KCNK2: variants seen among roughly 807,000 people sequenced by gnomAD.
KCNK2 encodes potassium two pore domain channel subfamily K member 2.
KCNK2 carries 21 observed loss-of-function variants against 40.5 expected under a neutral mutation model. The ratio of observed to expected loss-of-function variants is 0.52; its 90% CI spans 0.37 to 0.75. KCNK2 has a LOEUF of 0.75. Ranked by LOEUF, KCNK2 falls within the 30% of genes least tolerant of loss-of-function variation. The pLI is 0.00. For missense variants in KCNK2, 399 were observed against 531.6 expected, an observed-to-expected ratio of 0.75 and a Z score of 2.45; for synonymous variants, 191 against 202.2, an observed-to-expected ratio of 0.94 and a Z score of 0.47.
At chr1:215,125,777 T>TATATATATA (rs1351841467) in intron 3 of KCNK2, among the ~76,000 whole-genome samples, 1 of 42,428 alleles carries the variant, frequency 2.4e-5, no homozygotes, top group Non-Finnish European at 6.3e-5. Flanking sequence ...TATATATATA[T>TATATATATA]AAAATAAAAT....
intron 2 of KCNK2, among the ~76,000 whole-genome samples, chr1:215,093,774 ATATTAT>A (rs1558087871): frequency 0.042 from 640 of 15,354 alleles, 13 homozygotes; most frequent in Non-Finnish European, 0.093. Context: ...AATATAAAAT[ATATTAT>A]ATATTATATA....
At chr1:215,155,172 C>T (rs1662861411) in intron 3 of KCNK2, among the ~76,000 whole-genome samples, 1 of 152,230 alleles carries the variant, frequency 6.6e-6, no homozygotes, top group East Asian at 1.9e-4. Context: ...CTTTCCCCAT[C>T]ACTATTTAGT....
intron 3 of KCNK2, among the ~76,000 whole-genome samples, chr1:215,139,821 G>A (rs184373731): frequency 1.1e-4 from 17 of 152,096 alleles, no homozygotes; most frequent in Non-Finnish European, 2.2e-4. Context: ...ATATTATGAG[G>A]TGACTTGTTA....
At chr1:215,115,441 G>C (rs781179598) in intron 2 of KCNK2, among the ~76,000 whole-genome samples, 5 of 152,088 alleles carry the variant, frequency 3.3e-5, no homozygotes, top group Non-Finnish European at 5.9e-5. Flanking sequence ...AGAAATTCAG[G>C]CCTTAGAAAA....
intron 3 of KCNK2, among the ~76,000 whole-genome samples, chr1:215,154,231 T>C (rs1662812169): frequency 6.6e-6 from 1 of 152,212 alleles, no homozygotes; most frequent in South Asian, 2.1e-4. Context: ...AGTGTCCCTA[T>C]TTCTCCTTAG....
At chr1:215,100,625 G>C (rs1660166675) in intron 2 of KCNK2, among the ~76,000 whole-genome samples, 1 of 151,924 alleles carries the variant, frequency 6.6e-6, no homozygotes, top group African/African-American at 2.4e-5. Context: ...AACATTGCTG[G>C]TTGCGGTTCT....
intron 5 of KCNK2, among the ~76,000 whole-genome samples, chr1:215,179,980 T>G (rs1664158350): frequency 6.6e-6 from 1 of 152,150 alleles, no homozygotes; most frequent in Non-Finnish European, 1.5e-5. Context: ...ACTCTTATTA[T>G]ATGGCTAGCT....
intron 6 of KCNK2, among the ~76,000 whole-genome samples, chr1:215,209,996 A>G (rs1396867926): frequency 1.5e-3 from 2 of 1,372 alleles, no homozygotes; most frequent in Non-Finnish European, 3.7e-3. Context: ...ATAATATATA[A>G]TATATATTAT....
chr1:215,078,013 T>C (rs957723335), upstream of KCNK2, among the ~76,000 whole-genome samples: 2 of 152,202 alleles, frequency 1.3e-5, no homozygotes, highest in Non-Finnish European at 2.9e-5. Flanking sequence ...GCAAGATTCA[T>C]TGCAAGGGTG....
Position 215,225,782 on chromosome 1 carries a change from C to T in KCNK2, c.964-9046C>T, listed in dbSNP as rs530681691. Among the ~76,000 whole-genome samples, 8 of 152,248 alleles carry T rather than the reference C, an allele frequency of 5.3e-5. No homozygotes were observed. The South Asian group carries it at 1.7e-3, about 32-fold the overall frequency. On this transcript the variant is annotated intron_variant, in intron 6 of 6. Transcript: ENST00000444842. ...AGACTAAACTTATTTTATTAAATTACTATACTCACAGCACTATCCAAGATG... is the reference window on the plus strand; with the variant it reads ...AGACTAAACTTATTTTATTAAATTATTATACTCACAGCACTATCCAAGATG...
Position 215,169,408 on chromosome 1 carries a change from T to A in KCNK2, c.636+49T>A, listed in dbSNP as rs191835398. Reference sequence around the variant, plus strand: ...ACGTATATTTATTGTTTGATTTTTTTAAAAAATTATATCTTTTCTGTCACC... The same window carrying A: ...ACGTATATTTATTGTTTGATTTTTTAAAAAAATTATATCTTTTCTGTCACC... On this transcript the variant is annotated intron_variant, in intron 4 of 6. Coordinates refer to ENST00000444842, the MANE Select transcript of KCNK2 (RefSeq NM_001017425.3). The A allele has an allele frequency of 5.6e-4, 776 of 1,388,746 alleles. 2 individuals carry two copies. In the African/African-American group the frequency reaches 6.3e-3, roughly 11 times the overall value. The allele number at this position is 1,388,746 out of a possible 1,614,324, so 86.0% of individuals were successfully genotyped here.
chr1:215,166,385 T>TA (rs1274423225), intron 3 of KCNK2, among the ~76,000 whole-genome samples: 1 of 151,994 alleles, frequency 6.6e-6, no homozygotes, highest in Non-Finnish European at 1.5e-5. Context: ...TCACCAAAAT[T>TA]AAAAGCAGAA....
At chr1:215,175,133 A>G (rs931981505) in intron 5 of KCNK2, among the ~76,000 whole-genome samples, 7 of 152,246 alleles carry the variant, frequency 4.6e-5, no homozygotes, top group African/African-American at 1.2e-4. Flanking sequence ...TTATTTTGAG[A>G]TACGTCCCAT....
chr1:215,227,870 A>G (rs1269934508), intron 6 of KCNK2, among the ~76,000 whole-genome samples: 1 of 152,070 alleles, frequency 6.6e-6, no homozygotes, highest in Non-Finnish European at 1.5e-5. Context: ...TAAGAACTTG[A>G]TGTAAGATTC....
intron 6 of KCNK2, among the ~76,000 whole-genome samples, chr1:215,229,970 T>G (rs1414426411): frequency 6.6e-6 from 1 of 150,654 alleles, no homozygotes; most frequent in African/African-American, 2.4e-5. Context: ...AATAATTGTA[T>G]AGCCCTTTAT....
chr1:215,150,299 T>C (rs1662628905), intron 3 of KCNK2, among the ~76,000 whole-genome samples: 1 of 152,206 alleles, frequency 6.6e-6, no homozygotes, highest in African/African-American at 2.4e-5. Context: ...TATTTCGGTT[T>C]GGTTAACTTA....
intron 1 of KCNK2, among the ~76,000 whole-genome samples, chr1:215,023,182 G>A (rs1656868942): frequency 6.6e-6 from 1 of 152,148 alleles, no homozygotes. Context: ...TTGCATTTTA[G>A]GAACTTTCTC....
chr1:215,045,209 CA>C (rs34843930), intron 1 of KCNK2, among the ~76,000 whole-genome samples: 3 of 146,826 alleles, frequency 2.0e-5, no homozygotes, highest in Admixed American at 6.8e-5. Flanking sequence ...AAACAAAAAC[CA>C]AAAAAAAAAA....
At chr1:215,223,286 C>T (rs1010352367) in intron 6 of KCNK2, among the ~76,000 whole-genome samples, 16 of 142,668 alleles carry the variant, frequency 1.1e-4, no homozygotes, top group Non-Finnish European at 1.5e-4. Context: ...CAAGTATTAT[C>T]GATACTTGAG....
Sources: allele counts gnomAD v4.1 joint callset (sites outside exome capture counted in the v4.1 genomes callset), GRCh38; gene constraint gnomAD v4.1.1; transcripts MANE v1.5; gene names NCBI Gene and HGNC (gene_info 2026-07-23, HGNC 2026-07-21).